GPD2: variants seen among roughly 807,000 people sequenced by gnomAD.
The protein encoded by GPD2 is glycerol-3-phosphate dehydrogenase 2.
GPD2 carries 54 observed loss-of-function variants against 82.4 expected under a neutral mutation model. The observed-to-expected ratio is 0.66, with a 90% CI of 0.53 to 0.82. The LOEUF (loss-of-function observed/expected upper bound fraction) is 0.82, where lower values mean the gene tolerates loss of function less well. Ranked by LOEUF, GPD2 falls within the 40% of genes least tolerant of loss-of-function variation. GPD2 has a pLI of 0.00. For missense variants in GPD2, 748 were observed against 896.2 expected, an observed-to-expected ratio of 0.83 and a Z score of 2.11; for synonymous variants, 288 against 306.1, an observed-to-expected ratio of 0.94 and a Z score of 0.62.
chr2:156,520,740 A>G (rs1489300807), intron 6 of GPD2, among the ~76,000 whole-genome samples: 1 of 151,942 alleles, frequency 6.6e-6, no homozygotes, highest in Admixed American at 6.6e-5. Flanking sequence ...ACGTGCCACC[A>G]TGCCCAGCTA....
At chr2:156,555,345 G>T (rs1304917346) in intron 8 of GPD2, among the ~76,000 whole-genome samples, 1 of 152,138 alleles carries the variant, frequency 6.6e-6, no homozygotes, top group African/African-American at 2.4e-5. Context: ...GTTTTTAAAA[G>T]ATTCAGTAGT....
chr2:156,484,160 T>C (rs985826673), intron 2 of GPD2, among the ~76,000 whole-genome samples: 1 of 151,924 alleles, frequency 6.6e-6, no homozygotes, highest in Non-Finnish European at 1.5e-5. Context: ...TTTGAGACAG[T>C]GTCTCACTGT....
At chr2:156,455,605 A>G (rs1308831839) in intron 1 of GPD2, among the ~76,000 whole-genome samples, 3 of 152,152 alleles carry the variant, frequency 2.0e-5, no homozygotes, top group Non-Finnish European at 4.4e-5. Flanking sequence ...TTATACCATT[A>G]TGTCTCTGCT....
chr2:156,535,778 T>G (rs1480915820), intron 6 of GPD2, among the ~76,000 whole-genome samples: 1 of 152,192 alleles, frequency 6.6e-6, no homozygotes, highest in East Asian at 1.9e-4. Flanking sequence ...CCCAACTGGT[T>G]TATGTCAGCA....
At chr2:156,477,439 C>T (rs1285639218) in intron 2 of GPD2, among the ~76,000 whole-genome samples, 1 of 151,998 alleles carries the variant, frequency 6.6e-6, no homozygotes, top group Non-Finnish European at 1.5e-5. Context: ...CTCAATCAAT[C>T]AATAAAATGC....
Position 156,508,240 on chromosome 2 carries a change from G to A in GPD2, c.275-2556G>A, listed in dbSNP as rs1314759485. Among the ~76,000 whole-genome samples the A allele has an allele frequency of 3.3e-5, 5 of 151,910 alleles. No individual in the cohort carries two copies. The East Asian group carries it at 9.7e-4, about 29-fold the overall frequency. On this transcript the variant is annotated intron_variant, in intron 3 of 16. Coordinates refer to ENST00000438166, the MANE Select transcript of GPD2 (RefSeq NM_000408.5). ...CTGAGGTCTCTGTTCCTCACCACCT[G>A]TTGACCAGGAGCCTCCCTTTGTTCC...
the GPD2 span, among the ~76,000 whole-genome samples, chr2:156,404,727 C>T: frequency 2.9e-4 from 40 of 139,764 alleles, no homozygotes; most frequent in Non-Finnish European, 5.2e-4. Flanking sequence ...CATGGTGGTG[C>T]GGCTGTAATC....
intron 2 of GPD2, among the ~76,000 whole-genome samples, chr2:156,486,313 G>A (rs900619575): frequency 3.9e-5 from 6 of 152,174 alleles, no homozygotes; most frequent in African/African-American, 1.4e-4. Flanking sequence ...ATGCTATTTT[G>A]TTGCTGGCAT....
intron 9 of GPD2, among the ~76,000 whole-genome samples, chr2:156,565,847 G>A: frequency 6.6e-6 from 1 of 151,990 alleles, no homozygotes; most frequent in Non-Finnish European, 1.5e-5. Context: ...GTTTTATTTT[G>A]TTTTGCTTCA....
chr2:156,469,061 T>C (rs1239292528), intron 1 of GPD2, among the ~76,000 whole-genome samples: 1 of 152,246 alleles, frequency 6.6e-6, no homozygotes, highest in African/African-American at 2.4e-5. Context: ...CTCCCACAAA[T>C]GAGTGAGAAT....
At chr2:156,501,980 T>C (rs1684599343) in intron 3 of GPD2, 1 of 159,304 alleles carries the variant, frequency 6.3e-6, no homozygotes. Context: ...GTCTATAAAT[T>C]AGTCTATCAG....
At chr2:156,510,342 T>C (rs1040165677) in intron 3 of GPD2, among the ~76,000 whole-genome samples, 1 of 152,094 alleles carries the variant, frequency 6.6e-6, no homozygotes, top group Non-Finnish European at 1.5e-5. Flanking sequence ...CAGAAGGAAG[T>C]CTAGTCTAGA....
At chr2:156,551,364 C>A (rs2105336633) in intron 8 of GPD2, among the ~76,000 whole-genome samples, 1 of 152,148 alleles carries the variant, frequency 6.6e-6, no homozygotes, top group East Asian at 1.9e-4. Context: ...TCATTAAACT[C>A]TTTTTATATA....
chr2:156,579,639 A>C (rs752080796), intron 15 of GPD2, 51 bp from the exon 16 acceptor site: 2 of 923,966 alleles, frequency 2.2e-6, no homozygotes, highest in Non-Finnish European at 3.6e-6. Flanking sequence ...GCCAAAGCAT[A>C]TGCATAATTT....
intron 8 of GPD2, among the ~76,000 whole-genome samples, chr2:156,551,691 A>G (rs895247463): frequency 6.6e-6 from 1 of 152,198 alleles, no homozygotes; most frequent in Non-Finnish European, 1.5e-5. Context: ...ACACAAGGGC[A>G]TATTATATAG....
At chr2:156,425,946 A>G in the GPD2 span, among the ~76,000 whole-genome samples, 8 of 144,688 alleles carry the variant, frequency 5.5e-5, no homozygotes, top group African/African-American at 1.8e-4. Flanking sequence ...TTTTTGAGAC[A>G]CAGTTTCACT....
At chr2:156,436,589 G>C (rs1307844150) in intron 1 of GPD2, 76 bp downstream of exon 1, 1 of 152,330 alleles carries the variant, frequency 6.6e-6, no homozygotes, top group African/African-American at 2.4e-5. Context: ...TGACCCGGGC[G>C]AGTGTTCTGG....
intron 6 of GPD2, among the ~76,000 whole-genome samples, chr2:156,534,478 C>T (rs527308437): frequency 6.6e-6 from 1 of 152,306 alleles, no homozygotes; most frequent in South Asian, 2.1e-4. Flanking sequence ...TTCTTCTACC[C>T]AGTATTTCCT....
intron 13 of GPD2, among the ~76,000 whole-genome samples, chr2:156,572,148 C>T (rs1016629696): frequency 1.3e-5 from 2 of 152,096 alleles, no homozygotes; most frequent in Non-Finnish European, 2.9e-5. Flanking sequence ...CTTGGATCTC[C>T]TTTTACCTTC....
Sources: allele counts gnomAD v4.1 joint callset (sites outside exome capture counted in the v4.1 genomes callset), GRCh38; gene constraint gnomAD v4.1.1; transcripts MANE v1.5; gene names NCBI Gene and HGNC (gene_info 2026-07-23, HGNC 2026-07-21).